The following SGCZ variants were observed in gnomAD, a reference collection of about 807,000 sequenced individuals.
SGCZ encodes the protein sarcoglycan zeta.
SGCZ carries 40 observed loss-of-function variants against 41.3 expected under a neutral mutation model. The ratio of observed to expected loss-of-function variants is 0.97; its 90% CI spans 0.75 to 1.26. The LOEUF (loss-of-function observed/expected upper bound fraction) is 1.26, where lower values mean the gene tolerates loss of function less well. Among genes scored for constraint, SGCZ ranks in the 50% most tolerant of loss-of-function variants. The pLI is 0.00. For synonymous variants in SGCZ, 206 were observed against 137.5 expected (o/e 1.50, Z -3.49); for missense variants, 552 against 369.8 (o/e 1.49, Z -4.04).
intron 2 of SGCZ, among the ~76,000 whole-genome samples, chr8:14,465,015 A>T (rs1801009785): frequency 6.6e-6 from 1 of 151,646 alleles, no homozygotes; most frequent in South Asian, 2.1e-4. Flanking sequence ...CTATCCTTGA[A>T]AAAGCCCCAT....
chr8:15,161,899 G>C (rs1232279477), intron 1 of SGCZ, among the ~76,000 whole-genome samples: 2 of 152,036 alleles, frequency 1.3e-5, no homozygotes, highest in Non-Finnish European at 1.5e-5. Context: ...GCTGGGCGTG[G>C]GGGTGCACAC....
chr8:14,547,155 G>T (rs924334571), intron 2 of SGCZ, among the ~76,000 whole-genome samples: 1 of 152,046 alleles, frequency 6.6e-6, no homozygotes, highest in Non-Finnish European at 1.5e-5. Context: ...TCTTAATCAG[G>T]TAATAATTTG....
chr8:15,196,223 C>A (rs1374883168), intron 1 of SGCZ, among the ~76,000 whole-genome samples: 1 of 152,162 alleles, frequency 6.6e-6, no homozygotes, highest in Non-Finnish European at 1.5e-5. Flanking sequence ...AAGGCAGGAA[C>A]TATCCCAAAT....
At chr8:14,471,820 G>C (rs891049964) in intron 2 of SGCZ, among the ~76,000 whole-genome samples, 7 of 152,036 alleles carry the variant, frequency 4.6e-5, no homozygotes, top group African/African-American at 1.2e-4. Context: ...CTATTATGAC[G>C]ATTCTAAATA....
At chr8:14,690,102 G>A (rs911735150) in intron 1 of SGCZ, among the ~76,000 whole-genome samples, 14 of 148,590 alleles carry the variant, frequency 9.4e-5, no homozygotes, top group African/African-American at 2.9e-4. Context: ...AGTAAATTGT[G>A]AGTGTTGTCT....
intron 2 of SGCZ, among the ~76,000 whole-genome samples, chr8:14,343,070 C>T (rs1802766672): frequency 6.6e-6 from 1 of 152,204 alleles, no homozygotes; most frequent in Non-Finnish European, 1.5e-5. Flanking sequence ...TTAGCAACTT[C>T]CACATGGTGT....
chr8:14,441,546 G>T (rs1400333263), intron 2 of SGCZ, among the ~76,000 whole-genome samples: 1 of 152,140 alleles, frequency 6.6e-6, no homozygotes, highest in Admixed American at 6.6e-5. Flanking sequence ...CTGCACTCCA[G>T]CCTGGTGATA....
At chr8:14,724,705 A>G (rs934093948) in intron 1 of SGCZ, among the ~76,000 whole-genome samples, 3 of 151,808 alleles carry the variant, frequency 2.0e-5, no homozygotes, top group Non-Finnish European at 2.9e-5. Context: ...ATATATGCAT[A>G]TTTATTTTTA....
chr8:14,989,924 G>C (rs1563415332), intron 1 of SGCZ, among the ~76,000 whole-genome samples: 1 of 152,186 alleles, frequency 6.6e-6, no homozygotes, highest in Non-Finnish European at 1.5e-5. Context: ...TCCTGGGTTA[G>C]GAACTCTTCC....
intron 2 of SGCZ, among the ~76,000 whole-genome samples, chr8:14,476,545 C>T (rs1276203357): frequency 6.6e-6 from 1 of 151,886 alleles, no homozygotes; most frequent in Admixed American, 6.6e-5. Context: ...ACAATGATGC[C>T]ACATTTCTCT....
intron 1 of SGCZ, among the ~76,000 whole-genome samples, chr8:15,204,949 T>A (rs904030051): frequency 2.0e-5 from 3 of 152,210 alleles, no homozygotes; most frequent in African/African-American, 4.8e-5. Context: ...AACTTGGCCC[T>A]GTCTTTAAAA....
chr8:14,889,069 G>C (rs192511361), intron 1 of SGCZ, among the ~76,000 whole-genome samples: 20 of 151,974 alleles, frequency 1.3e-4, no homozygotes, highest in African/African-American at 3.9e-4. Flanking sequence ...ACTTTCCTTA[G>C]AATGGTTATA....
At chr8:14,276,854 A>T (rs1384910557) in intron 3 of SGCZ, among the ~76,000 whole-genome samples, 1 of 152,174 alleles carries the variant, frequency 6.6e-6, no homozygotes, top group Non-Finnish European at 1.5e-5. Context: ...GTGGACACCG[A>T]GTAAATAACT....
At chr8:14,116,942 T>A (rs1387607288) in intron 5 of SGCZ, among the ~76,000 whole-genome samples, 4 of 152,076 alleles carry the variant, frequency 2.6e-5, no homozygotes, top group Non-Finnish European at 5.9e-5. Flanking sequence ...TCAAGCAGAG[T>A]AAGCCATTAC....
At position 14,332,014 on chromosome 8, in the gene SGCZ, C is replaced by T. The variant is rs550729739; in HGVS notation, c.235-7810G>A. 2.6e-4 allele frequency among the ~76,000 whole-genome samples: 39 copies of T among 151,696 alleles called. 2 individuals carry two copies. The South Asian group carries it at 8.1e-3, about 32-fold the overall frequency. ...TATGAATAAATATAAATACATATTT[C>T]CCTTATACATATCCTTATTCTAAGT... On this transcript the variant is annotated intron_variant, in intron 2 of 7. Transcript: ENST00000382080.
chr8:14,928,514 T>A (rs1799830374), intron 1 of SGCZ, among the ~76,000 whole-genome samples: 2 of 152,194 alleles, frequency 1.3e-5, no homozygotes, highest in Non-Finnish European at 2.9e-5. Context: ...CATAAGAGAT[T>A]TGCTGATTTT....
intron 1 of SGCZ, among the ~76,000 whole-genome samples, chr8:14,897,683 A>G (rs1805253591): frequency 6.6e-6 from 1 of 152,242 alleles, no homozygotes; most frequent in South Asian, 2.1e-4. Context: ...CTATACTAGC[A>G]TGATACTAAA....
intron 1 of SGCZ, among the ~76,000 whole-genome samples, chr8:14,972,429 T>C (rs994340222): frequency 6.6e-6 from 1 of 152,224 alleles, no homozygotes; most frequent in East Asian, 1.9e-4. Context: ...GTAGGCAGCA[T>C]GGAATTGGGT....
intron 1 of SGCZ, among the ~76,000 whole-genome samples, chr8:14,706,765 T>A (rs1285759151): frequency 4.6e-5 from 7 of 152,122 alleles, no homozygotes; most frequent in African/African-American, 1.7e-4. Context: ...ACTTTAAGTA[T>A]AATGTTTAGC....
Sources: allele counts gnomAD v4.1 joint callset (sites outside exome capture counted in the v4.1 genomes callset), GRCh38; gene constraint gnomAD v4.1.1; transcripts MANE v1.5; gene names NCBI Gene and HGNC (gene_info 2026-07-23, HGNC 2026-07-21).